Variants in GPHN observed in about 807,000 individuals in gnomAD.
GPHN encodes gephyrin.
In GPHN, 17 loss-of-function variants were observed where a neutral mutation model predicts 95.5. The ratio of observed to expected loss-of-function variants is 0.18; its 90% CI spans 0.12 to 0.27. The LOEUF (loss-of-function observed/expected upper bound fraction) is 0.27, where lower values mean the gene tolerates loss of function less well. Ranked by LOEUF, GPHN falls within the 10% of genes least tolerant of loss-of-function variation. The probability of loss-of-function intolerance (pLI) is 1.00; values close to 1 mark genes in which losing one functional copy is unlikely to be tolerated. For synonymous variants in GPHN, 320 were observed against 322.5 expected (o/e 0.99, Z 0.08); for missense variants, 660 against 978.1 (o/e 0.67, Z 4.34).
intron 4 of GPHN, among the ~76,000 whole-genome samples, chr14:66,868,208 A>C (rs767048177): frequency 2.0e-5 from 3 of 152,204 alleles, no homozygotes; most frequent in Non-Finnish European, 4.4e-5. Flanking sequence ...GTAATTGTTA[A>C]GGAGGAAATT....
At chr14:66,509,477 G>C (rs1377988085) in intron 1 of GPHN, 1 of 152,220 alleles carries the variant, frequency 6.6e-6, no homozygotes, top group Non-Finnish European at 1.5e-5. Context: ...GTCTGATTCC[G>C]TTGCGCTGAA....
chr14:66,671,171 A>G (rs543870436), intron 1 of GPHN, among the ~76,000 whole-genome samples: 2 of 152,298 alleles, frequency 1.3e-5, no homozygotes, highest in East Asian at 1.9e-4. Context: ...ATCTTGATCC[A>G]TTATCTTGAT....
chr14:66,935,963 T>A (rs1025515503), intron 8 of GPHN, among the ~76,000 whole-genome samples: 81 of 152,148 alleles, frequency 5.3e-4, no homozygotes, highest in African/African-American at 1.9e-3. Context: ...GGTATTCAAG[T>A]CTAGGCAGTC....
chr14:67,532,069 C>G, the GPHN span, among the ~76,000 whole-genome samples: 2 of 152,158 alleles, frequency 1.3e-5, no homozygotes, highest in Non-Finnish European at 2.9e-5. Context: ...CCAATCCCCA[C>G]GAGCTATAAA....
chr14:67,377,118 G>A, the GPHN span, among the ~76,000 whole-genome samples: 1 of 152,044 alleles, frequency 6.6e-6, no homozygotes, highest in Non-Finnish European at 1.5e-5. Context: ...TTTTCTCCCT[G>A]TCTTTTCGCC....
the GPHN span, among the ~76,000 whole-genome samples, chr14:67,410,607 C>A: frequency 1.3e-5 from 2 of 152,172 alleles, no homozygotes; most frequent in Admixed American, 1.3e-4. Flanking sequence ...AAACAGCCAC[C>A]GCTCTCCTGT....
chr14:66,796,848 G>T (rs144728937), intron 3 of GPHN, among the ~76,000 whole-genome samples: 1 of 151,918 alleles, frequency 6.6e-6, no homozygotes, highest in African/African-American at 2.4e-5. Flanking sequence ...GTCCATTTTT[G>T]CTTTGGTTAC....
At chr14:67,197,332 A>AG in the GPHN span, 2 of 152,220 alleles carry the variant, frequency 1.3e-5, no homozygotes, top group Non-Finnish European at 2.9e-5. Context: ...TCTCCTAGAG[A>AG]GGACTGTGGC....
At chr14:67,028,731 T>G (rs11158652) in intron 10 of GPHN, among the ~76,000 whole-genome samples, 48,439 of 152,032 alleles carry the variant, frequency 0.32, 12,103 homozygotes, top group African/African-American at 0.68. Context: ...TTTTGCTGTT[T>G]AGTTGTTTGA....
the GPHN span, chr14:67,473,986 C>T: frequency 4.0e-6 from 6 of 1,511,518 alleles, no homozygotes; most frequent in African/African-American, 1.4e-5. This position sits in a 1 kb window ranked among gnomAD's most constrained non-coding sequence, Gnocchi z 6.5. Flanking sequence ...GGCGCGGTGG[C>T]TCACGCCTAT....
chr14:67,321,087 T>C, the GPHN span: 60 of 1,614,116 alleles, frequency 3.7e-5, no homozygotes, highest in Non-Finnish European at 5.0e-5. Flanking sequence ...GACCAAGAAG[T>C]AGCCGGTAGA....
At chr14:66,947,682 G>A (rs2067846067) in intron 8 of GPHN, among the ~76,000 whole-genome samples, 1 of 152,190 alleles carries the variant, frequency 6.6e-6, no homozygotes, top group Non-Finnish European at 1.5e-5. Context: ...CCATGGCCAG[G>A]CACAGTGGCT....
chr14:66,545,586 G>A (rs564729020), intron 1 of GPHN, among the ~76,000 whole-genome samples: 7 of 120,164 alleles, frequency 5.8e-5, no homozygotes, highest in East Asian at 2.8e-4. Flanking sequence ...CCTCCCGGAC[G>A]GGGCGGCTGG....
the GPHN span, chr14:67,441,991 G>T: frequency 6.5e-6 from 1 of 153,738 alleles, no homozygotes; most frequent in Middle Eastern, 5.2e-4. Context: ...ACTAATATAG[G>T]CCCTCTACTT....
Position 66,508,500 on chromosome 14 carries a change from T to A in GPHN, c.-28T>A. On this transcript the variant is annotated 5_prime_UTR_variant, in exon 1 of 23. Transcript: ENST00000478722. ...CCGGGCTCCGGTTTCTCCCGGCTCC[T>A]GTCAGTGCGGTGACTGCGCTGGGAA... 1 of 1,610,762 alleles carries A rather than the reference T, an allele frequency of 6.2e-7. No individual in the cohort carries two copies. The highest frequency in any genetic ancestry group is 8.5e-7 in the Non-Finnish European group (1 of 1,176,952).
At chr14:67,311,100 T>C in the GPHN span, among the ~76,000 whole-genome samples, 3 of 152,012 alleles carry the variant, frequency 2.0e-5, no homozygotes, top group Non-Finnish European at 4.4e-5. Context: ...TCACCTGAGG[T>C]CAGGAGTTCA....
rs184432584 is a variant in GPHN, at chr14:67,023,497, C to G, written c.964-136C>G. The stretch of plus-strand genomic sequence containing the variant: ...AGATGAAACAAGTATAACATTTTTA[C>G]TAACATGTTATGACATCTGAAATAC... On this transcript the variant is annotated intron_variant, in intron 9 of 22. Transcript: ENST00000478722. The G allele has an allele frequency of 6.4e-6, 4 of 628,026 alleles. No individual in the cohort carries two copies. The Admixed American group carries it at 1.1e-4, about 17-fold the overall frequency. The allele number at this position is 628,026 out of a possible 1,614,324, so 38.9% of individuals were successfully genotyped here. A position where few individuals can be genotyped will look rare whatever the true frequency, so the allele number is the denominator to read the frequency against.
the GPHN span, chr14:67,573,382 C>A: frequency 6.3e-7 from 1 of 1,585,240 alleles, no homozygotes. This position sits in a 1 kb window ranked among gnomAD's most constrained non-coding sequence, Gnocchi z 4.8. Flanking sequence ...TACTACAAGT[C>A]CCCGGTGAGA....
chr14:67,303,418 G>A, the GPHN span: 2 of 830,474 alleles, frequency 2.4e-6, no homozygotes, highest in Admixed American at 3.9e-5. Context: ...TTAAGTCTGT[G>A]GAGGGGTTCT....
Sources: gnomAD v4.1 joint callset for allele counts (sites outside exome capture counted in the v4.1 genomes callset) on GRCh38, gnomAD v4.1.1 for gene constraint, Gnocchi (gnomAD v3.1) non-coding constraint, MANE v1.5 for transcripts, NCBI Gene and HGNC (gene_info 2026-07-23, HGNC 2026-07-21) for gene names.